Variants in STK11 observed in about 807,000 individuals in gnomAD.
The protein encoded by STK11 is serine/threonine kinase 11.
STK11 carries 8 observed loss-of-function variants against 47.3 expected under a neutral mutation model. The observed-to-expected ratio is 0.17, with a 90% confidence interval of 0.10 to 0.31. STK11 has a LOEUF of 0.31. STK11 is among the 10% of genes least tolerant of loss of function. The pLI is 1.00. For missense variants in STK11, 475 were observed against 605.0 expected, an observed-to-expected ratio of 0.79 and a Z score of 2.25; for synonymous variants, 330 against 255.8, an observed-to-expected ratio of 1.29 and a Z score of -2.77.
At position 1,220,695 on chromosome 19, in the gene STK11, A is replaced by G. The variant is rs2080777009; in HGVS notation, c.712A>G (p.Ile238Val). The change falls in exon 5 of 10, where the codon ATC (isoleucine) becomes GTC (valine). Residue 238 changes from isoleucine to valine, a missense_variant. Ile to Val is a conservative substitution (Grantham distance 29). Transcript: ENST00000326873. Reference sequence around the variant, plus strand: ...CACCTTCTCCGGCTTCAAGGTGGACATCTGGTCGGCTGGGGTCACCCTGTA... The same window carrying G: ...CACCTTCTCCGGCTTCAAGGTGGACGTCTGGTCGGCTGGGGTCACCCTGTA... ...LDTFSGFKVDIWSAGVTLYNI... is the reference protein window; with the variant it reads ...LDTFSGFKVDVWSAGVTLYNI... 1.2e-6 allele frequency: 2 copies of G among 1,610,262 alleles called. No homozygotes were observed. Among genetic ancestry groups the G allele is most frequent in the Non-Finnish European group, 8.5e-7 (1 of 1,178,884 alleles).
intron 8 of STK11, chr19:1,225,528 C>G (rs2080814709): frequency 1.0e-6 from 1 of 984,770 alleles, no homozygotes. Context: ...CTCGGCCTCC[C>G]AAAGTGCTGG....
intron 1 of STK11, among the ~76,000 whole-genome samples, chr19:1,208,904 A>G (rs2080689792): frequency 1.3e-5 from 2 of 151,008 alleles, no homozygotes; most frequent in African/African-American, 4.9e-5. Flanking sequence ...TAAAGGCGTG[A>G]GCCACCGCGC....
intron 5 of STK11, among the ~76,000 whole-genome samples, chr19:1,220,966 C>T (rs1439600798): frequency 6.6e-6 from 1 of 152,210 alleles, no homozygotes; most frequent in African/African-American, 2.4e-5. Context: ...CCTCCCAGAG[C>T]CCCACAGGGA....
At chr19:1,227,021 C>G in intron 9 of STK11, 2 of 265,786 alleles carry the variant, frequency 7.5e-6, no homozygotes, top group Non-Finnish European at 1.4e-5. Flanking sequence ...TGGGCTCAGC[C>G]CAGAGGCTTT....
intron 8 of STK11, chr19:1,224,252 G>A (rs971107890): frequency 7.9e-5 from 78 of 985,206 alleles, no homozygotes; most frequent in Non-Finnish European, 9.4e-5. Context: ...CCCCCCAGGA[G>A]GGTACAGCGT....
intron 7 of STK11, among the ~76,000 whole-genome samples, chr19:1,222,336 A>G (rs1171096244): frequency 6.6e-6 from 1 of 152,196 alleles, no homozygotes; most frequent in African/African-American, 2.4e-5. Context: ...TGGGGCTCCC[A>G]GCAGCAGGGT....
At chr19:1,210,884 C>A (rs138786720) in intron 1 of STK11, among the ~76,000 whole-genome samples, 1 of 140,088 alleles carries the variant, frequency 7.1e-6, no homozygotes. Flanking sequence ...GGGCTGGGGC[C>A]GGGCGTGGTG....
At position 1,227,914 on chromosome 19, in the gene STK11, G is replaced by C. The variant is rs1599934269; in HGVS notation, c.*338G>C. 1.9e-6 allele frequency: 2 copies of C among 1,070,224 alleles called. No homozygotes were observed. Among genetic ancestry groups the C allele is most frequent in the Non-Finnish European group, 2.3e-6 (2 of 882,236 alleles). 66.3% of individuals were successfully genotyped at this position (1,070,224 alleles called of 1,614,324 possible). On this transcript the variant is annotated 3_prime_UTR_variant, in exon 10 of 10. Coordinates refer to ENST00000326873, the MANE Select transcript of STK11 (RefSeq NM_000455.5). ...CGCCCGTGGCCTCGTGCTCCGCAGGGCGCCCAGCGCCGTCCGGCGGCCCCG... is the reference window on the plus strand; with the variant it reads ...CGCCCGTGGCCTCGTGCTCCGCAGGCCGCCCAGCGCCGTCCGGCGGCCCCG...
At chr19:1,224,913 C>G in intron 8 of STK11, 1 of 985,754 alleles carries the variant, frequency 1.0e-6, no homozygotes, top group Non-Finnish European at 1.2e-6. Context: ...AGCCCCGTCC[C>G]TGACCTGCAG....
At chr19:1,209,480 G>A (rs2080694121) in intron 1 of STK11, among the ~76,000 whole-genome samples, 1 of 152,104 alleles carries the variant, frequency 6.6e-6, no homozygotes, top group African/African-American at 2.4e-5. Flanking sequence ...CTACTCGGGA[G>A]GCTGAGGCAG....
chr19:1,208,341 T>C (rs1280343236), intron 1 of STK11, among the ~76,000 whole-genome samples: 1 of 144,300 alleles, frequency 6.9e-6, no homozygotes, highest in Non-Finnish European at 1.5e-5. Flanking sequence ...GGAGTCTCGC[T>C]CTGTTCCCCA....
intron 8 of STK11, among the ~76,000 whole-genome samples, 154 bp downstream of exon 8, chr19:1,223,326 C>T (rs757019235): frequency 3.7e-4 from 56 of 152,336 alleles, no homozygotes; most frequent in Non-Finnish European, 6.9e-4. Flanking sequence ...CAGGCTGCCT[C>T]CGCCCTGCGG....
rs950717101 is a variant in STK11 at position 1,228,164 on chromosome 19, C to T, written c.*588C>T. 10 of 1,060,710 alleles carry T rather than the reference C, an allele frequency of 9.4e-6. No homozygotes were observed. The highest frequency in any genetic ancestry group is 9.9e-5 in the East Asian group (2 of 20,174). The allele number at this position is 1,060,710 out of a possible 1,614,324, so 65.7% of individuals were successfully genotyped here. A position where few individuals can be genotyped will look rare whatever the true frequency, so the allele number is the denominator to read the frequency against. ...GGGCTGTGGGGTCGGGCTCACGTCG[C>T]GGCCGCCTTTGCGCTCTCGGGTCAC... On this transcript the variant is annotated 3_prime_UTR_variant, in exon 10 of 10. Transcript: ENST00000326873.
intron 1 of STK11, among the ~76,000 whole-genome samples, chr19:1,212,805 A>G (rs2080720394): frequency 6.6e-6 from 1 of 151,448 alleles, no homozygotes; most frequent in South Asian, 2.1e-4. Context: ...CGGCCTCCCA[A>G]AGTCCTGGGA....
intron 9 of STK11, 133 bp downstream of exon 9, chr19:1,226,796 G>C (rs1467236077): frequency 8.6e-7 from 1 of 1,162,038 alleles, no homozygotes; most frequent in East Asian, 2.8e-5. Flanking sequence ...TGTGGCCTTT[G>C]GGTGGCTTGG....
At chr19:1,218,985 CAG>C (rs1395619375) in intron 2 of STK11, among the ~76,000 whole-genome samples, 3 of 152,130 alleles carry the variant, frequency 2.0e-5, no homozygotes, top group African/African-American at 4.8e-5. Flanking sequence ...GCCACGCGGT[CAG>C]GGGCCCTGGG....
chr19:1,220,235 C>T, intron 3 of STK11, 138 bp from the exon 4 acceptor site: 2 of 1,214,592 alleles, frequency 1.6e-6, no homozygotes, highest in Non-Finnish European at 2.3e-6. Context: ...CTAGCCTTTC[C>T]TCTGTCCTGT....
rs141863233 is a variant in STK11 at position 1,210,373 on chromosome 19, C to T, written c.290+3170C>T. Among the ~76,000 whole-genome samples the T allele has an allele frequency of 0.01, 1,543 of 152,292 alleles. 17 individuals carry two copies. The highest frequency in any genetic ancestry group is 0.032 in the African/African-American group (1,310 of 41,566). On this transcript the variant is annotated intron_variant, in intron 1 of 9. Coordinates refer to ENST00000326873, the MANE Select transcript of STK11 (RefSeq NM_000455.5). The stretch of plus-strand genomic sequence containing the variant: ...GAGTGTCTGGAACCTTCCAGACAAG[C>T]CTCAGGCGTCCGGTCCTCCAGTTGG...
intron 2 of STK11, among the ~76,000 whole-genome samples, chr19:1,218,969 C>T (rs1323127861): frequency 6.6e-6 from 1 of 151,744 alleles, no homozygotes; most frequent in Non-Finnish European, 1.5e-5. Flanking sequence ...GGGCTGTGTT[C>T]CCTGAGCCAC....
Sources: allele counts gnomAD v4.1 joint callset (sites outside exome capture counted in the v4.1 genomes callset), GRCh38; gene constraint gnomAD v4.1.1; transcripts MANE v1.5; gene names NCBI Gene and HGNC (gene_info 2026-07-23, HGNC 2026-07-21).